MYOF: variants seen among roughly 807,000 people sequenced by gnomAD.
The protein encoded by MYOF is fer-1-like 3, myoferlin.
Under a neutral mutation model 284.2 loss-of-function variants are expected in MYOF, and 244 were observed. The ratio of observed to expected loss-of-function variants is 0.86; its 90% CI spans 0.77 to 0.95. MYOF has a LOEUF of 0.95. Ranked by LOEUF, MYOF falls within the 40% of genes least tolerant of loss-of-function variation. The pLI is 0.00. For synonymous variants in MYOF, 904 were observed against 919.7 expected (o/e 0.98, Z 0.31); for missense variants, 2,496 against 2,560.6 (o/e 0.97, Z 0.54).
intron 48 of MYOF, among the ~76,000 whole-genome samples, chr10:93,320,239 G>A (rs1842795389): frequency 6.6e-6 from 1 of 152,114 alleles, no homozygotes; most frequent in African/African-American, 2.4e-5. Flanking sequence ...AACCAAAGCA[G>A]GAAACCCTTT....
chr10:93,425,205 T>A (rs1315682271), intron 5 of MYOF, among the ~76,000 whole-genome samples: 2 of 151,762 alleles, frequency 1.3e-5, no homozygotes, highest in Admixed American at 1.3e-4. Context: ...CCTCCCAAAG[T>A]GTTGGGATTA....
Position 93,408,841 on chromosome 10 carries a change from A to G in MYOF, c.675T>C (p.Cys225=). The stretch of plus-strand genomic sequence containing the variant: ...TGATTCTTGTTCGGTGTGTCTGGCC[A>G]CAGACGTGAACTTTGACCACAGGCC... The part of the protein sequence containing the change: ...NIRPVVKVHV[C]GQTHRTRIKR... Residue 225 remains cysteine (C), a synonymous_variant, in exon 7 of 54, where the codon TGT becomes TGC. Coordinates refer to ENST00000359263, the MANE Select transcript of MYOF (RefSeq NM_013451.4). 1.2e-6 allele frequency: 2 copies of G among 1,614,224 alleles called. No homozygotes were observed. The highest frequency in any genetic ancestry group is 1.7e-6 in the Non-Finnish European group (2 of 1,180,048).
rs776606663 is a variant in MYOF, at chr10:93,392,954, A to G, written c.1419T>C (p.Asp473=). The part of the protein sequence containing the change: ...KIAASGGEVE[D]FSSSGTGAAS... The stretch of plus-strand genomic sequence containing the variant: ...CAGCCCCAGTTCCCGAAGATGAGAA[A>G]TCTATATAGTAAAAATATGACTGGT... The change falls in exon 17 of 54, where the codon GAT becomes GAC. Residue 473 remains aspartate (D), a splice_region_variant and synonymous_variant. Transcript: ENST00000359263. 3 of 1,611,012 alleles carry G rather than the reference A, an allele frequency of 1.9e-6. No homozygotes were observed. Among genetic ancestry groups the G allele is most frequent in the African/African-American group, 1.3e-5 (1 of 74,850 alleles).
intron 49 of MYOF, among the ~76,000 whole-genome samples, chr10:93,319,029 A>G (rs1842741887): frequency 6.6e-6 from 1 of 152,166 alleles, no homozygotes; most frequent in African/African-American, 2.4e-5. Context: ...ATTTTAGAGA[A>G]GCTGCCTCTG....
At chr10:93,444,360 A>C (rs970968359) in intron 3 of MYOF, among the ~76,000 whole-genome samples, 1 of 152,226 alleles carries the variant, frequency 6.6e-6, no homozygotes, top group Non-Finnish European at 1.5e-5. Context: ...TCCAGTAGAG[A>C]GAGAACAAAT....
intron 3 of MYOF, among the ~76,000 whole-genome samples, chr10:93,431,791 G>GCTGGAGT (rs1400041337): frequency 8.2e-5 from 12 of 146,804 alleles, no homozygotes; most frequent in Non-Finnish European, 1.5e-4. Context: ...TGTCACCCAG[G>GCTGGAGT]CTGGAGTGCA....
chr10:93,443,247 G>T (rs2056324290), intron 3 of MYOF, among the ~76,000 whole-genome samples: 1 of 152,096 alleles, frequency 6.6e-6, no homozygotes, highest in Non-Finnish European at 1.5e-5. Flanking sequence ...AGTTTCTATT[G>T]ATTGTTTTCT....
intron 28 of MYOF, 41 bp downstream of exon 28, chr10:93,361,411 T>A (rs376684374): frequency 4.1e-5 from 65 of 1,592,948 alleles, no homozygotes; most frequent in Non-Finnish European, 5.1e-5. Flanking sequence ...ACCAAGGCCC[T>A]GCTGCAGAGC....
chr10:93,346,029 GAA>G (rs555818707), intron 37 of MYOF, among the ~76,000 whole-genome samples: 1 of 150,630 alleles, frequency 6.6e-6, no homozygotes, highest in Non-Finnish European at 1.5e-5. Context: ...AAAACAGTAA[GAA>G]AAAAAAAGCC....
intron 7 of MYOF, 117 bp downstream of exon 7, chr10:93,408,670 T>C (rs1847746400): frequency 7.1e-7 from 1 of 1,402,348 alleles, no homozygotes; most frequent in Non-Finnish European, 9.8e-7. Flanking sequence ...TCACACCTAG[T>C]TTTGTTCCTG....
At chr10:93,350,673 C>G (rs553946957) in intron 35 of MYOF, among the ~76,000 whole-genome samples, 1 of 152,272 alleles carries the variant, frequency 6.6e-6, no homozygotes, top group East Asian at 1.9e-4. Flanking sequence ...ATAGCCTCAG[C>G]CTTTGAGAAC....
At chr10:93,345,677 C>T (rs567282523) in intron 37 of MYOF, among the ~76,000 whole-genome samples, 1 of 152,194 alleles carries the variant, frequency 6.6e-6, no homozygotes, top group Non-Finnish European at 1.5e-5. Flanking sequence ...GATCAGTTCT[C>T]CACTTCACCC....
At chr10:93,417,323 AGCAAT>A (rs1203337058) in intron 5 of MYOF, among the ~76,000 whole-genome samples, 1 of 152,182 alleles carries the variant, frequency 6.6e-6, no homozygotes, top group Non-Finnish European at 1.5e-5. Flanking sequence ...TCATAGCTCC[AGCAAT>A]GTAATCATTC....
intron 28 of MYOF, among the ~76,000 whole-genome samples, chr10:93,360,388 C>T (rs775453383): frequency 2.0e-5 from 3 of 152,238 alleles, no homozygotes; most frequent in Non-Finnish European, 4.4e-5. Flanking sequence ...GTAAACCTGC[C>T]TATGGCCCAA....
intron 16 of MYOF, among the ~76,000 whole-genome samples, chr10:93,394,446 G>GTTTTTTTTTTTTTTT (rs1411982961): frequency 3.0e-5 from 1 of 33,484 alleles, no homozygotes; most frequent in Admixed American, 5.0e-4. Context: ...TCACCATCTT[G>GTTTTTTTTTTTTTTT]TCTTTTTTTT....
At chr10:93,344,140 T>C (rs1486781998) in intron 37 of MYOF, among the ~76,000 whole-genome samples, 1 of 152,170 alleles carries the variant, frequency 6.6e-6, no homozygotes, top group African/African-American at 2.4e-5. Context: ...TTTTAGACAT[T>C]TTCTAGGGGA....
At chr10:93,398,910 A>C (rs1589504539) in intron 13 of MYOF, among the ~76,000 whole-genome samples, 1 of 152,262 alleles carries the variant, frequency 6.6e-6, no homozygotes, top group East Asian at 1.9e-4. Flanking sequence ...CCCTACACCA[A>C]GAGTCTCCCA....
At chr10:93,373,153 A>G in intron 23 of MYOF, 68 bp from the exon 24 acceptor site, 2 of 1,574,072 alleles carry the variant, frequency 1.3e-6, no homozygotes, top group South Asian at 2.2e-5. Context: ...GGGACCGAAG[A>G]CCCTGCAGGC....
At chr10:93,464,729 G>A (rs910094566) in intron 1 of MYOF, among the ~76,000 whole-genome samples, 27 of 152,072 alleles carry the variant, frequency 1.8e-4, no homozygotes, top group Non-Finnish European at 1.5e-4. Context: ...AGTCCTGAAC[G>A]GTTAGATTGC....
Sources: allele counts gnomAD v4.1 joint callset (sites outside exome capture counted in the v4.1 genomes callset), GRCh38; gene constraint gnomAD v4.1.1; transcripts MANE v1.5; gene names NCBI Gene and HGNC (gene_info 2026-07-23, HGNC 2026-07-21).